The following SCFD2 variants were observed in gnomAD, a reference collection of about 807,000 sequenced individuals.
SCFD2 encodes sec1 family domain-containing protein 2.
SCFD2 carries 54 observed loss-of-function variants against 58.9 expected under a neutral mutation model. That is an observed-to-expected ratio of 0.92 (90% CI 0.74 to 1.15). The LOEUF (loss-of-function observed/expected upper bound fraction) is 1.15, where lower values mean the gene tolerates loss of function less well. Ranked by LOEUF, SCFD2 falls within the 50% of genes most tolerant of loss-of-function variation. The pLI, the probability that SCFD2 is intolerant of heterozygous loss-of-function variation, is 0.00. For synonymous variants in SCFD2, 321 were observed against 335.9 expected (o/e 0.96, Z 0.49); for missense variants, 805 against 836.6 (o/e 0.96, Z 0.47).
chr4:52,897,912 A>G lies in SCFD2; in HGVS notation c.1842+9545T>C, dbSNP rs1719067935. On this transcript the variant is annotated intron_variant, in intron 7 of 8. Coordinates refer to ENST00000401642, the MANE Select transcript of SCFD2 (RefSeq NM_152540.4). ...AGTGTATGTGTCGAGGAATTTATCT[A>G]TTTCTTCTAGATTTTGTAGTTTATT... 2.0e-5 allele frequency among the ~76,000 whole-genome samples: 3 copies of G among 151,968 alleles called. No homozygotes were observed. In the South Asian group the frequency reaches 6.2e-4, roughly 31 times the overall value.
chr4:53,054,854 A>C (rs1723279922), intron 5 of SCFD2, among the ~76,000 whole-genome samples: 1 of 152,004 alleles, frequency 6.6e-6, no homozygotes, highest in African/African-American at 2.4e-5. Flanking sequence ...AGATCTCCCT[A>C]TGTTGCCTGG....
intron 2 of SCFD2, among the ~76,000 whole-genome samples, chr4:53,340,132 G>A (rs1446832099): frequency 6.6e-6 from 1 of 152,146 alleles, no homozygotes; most frequent in Non-Finnish European, 1.5e-5. Context: ...GACAGTGGGT[G>A]CAGCCCACCG....
intron 5 of SCFD2, among the ~76,000 whole-genome samples, chr4:52,977,332 A>C (rs1264774500): frequency 6.6e-6 from 1 of 152,180 alleles, no homozygotes; most frequent in East Asian, 1.9e-4. Flanking sequence ...AATCTGAACA[A>C]TTGCTAAGAG....
intron 5 of SCFD2, among the ~76,000 whole-genome samples, chr4:52,985,898 A>G (rs1438938744): frequency 6.6e-6 from 1 of 152,006 alleles, no homozygotes; most frequent in African/African-American, 2.4e-5. Flanking sequence ...ACCAAAGAGA[A>G]TGGGTAGATT....
chr4:53,352,784 A>T lies in SCFD2; in HGVS notation c.839-18T>A. On this transcript the variant is annotated intron_variant, in intron 1 of 8. Transcript: ENST00000401642. ...AACTGCTCCTGTTTAAGCAGACAAG[A>T]TGATGTAAATTCATAAAATGGGAGG... The T allele has an allele frequency of 6.3e-7, 1 of 1,595,114 alleles. No homozygotes were observed. The highest frequency in any genetic ancestry group is 1.3e-5 in the African/African-American group (1 of 74,720).
At chr4:52,893,108 C>CT (rs1718916421) in intron 7 of SCFD2, among the ~76,000 whole-genome samples, 1 of 152,302 alleles carries the variant, frequency 6.6e-6, no homozygotes, top group African/African-American at 2.4e-5. Flanking sequence ...AACGTGAACA[C>CT]TGAGATATTT....
intron 5 of SCFD2, among the ~76,000 whole-genome samples, chr4:52,997,187 A>G (rs922117437): frequency 3.3e-5 from 5 of 151,968 alleles, no homozygotes; most frequent in African/African-American, 1.2e-4. Flanking sequence ...CTCTGCGCCC[A>G]CTTCAGAACT....
At chr4:53,191,697 G>T (rs1039036548) in intron 4 of SCFD2, among the ~76,000 whole-genome samples, 3 of 152,128 alleles carry the variant, frequency 2.0e-5, no homozygotes, top group Admixed American at 1.3e-4. Flanking sequence ...GAGCCACCGC[G>T]CCTGGCTGGT....
chr4:53,027,396 G>C (rs1034692402), intron 5 of SCFD2, among the ~76,000 whole-genome samples: 4 of 152,128 alleles, frequency 2.6e-5, no homozygotes, highest in Non-Finnish European at 1.5e-5. Context: ...AGGGTGATTA[G>C]AGAAATCTCT....
At chr4:53,275,165 A>C (rs1731290614) in intron 3 of SCFD2, among the ~76,000 whole-genome samples, 1 of 152,214 alleles carries the variant, frequency 6.6e-6, no homozygotes, top group Non-Finnish European at 1.5e-5. Flanking sequence ...TAAGAAAGTA[A>C]TGTCTTACCC....
At chr4:53,098,110 T>C (rs570156254) in intron 5 of SCFD2, among the ~76,000 whole-genome samples, 1 of 152,322 alleles carries the variant, frequency 6.6e-6, no homozygotes, top group African/African-American at 2.4e-5. Context: ...CTGCTGGATT[T>C]GGTTTACCAG....
intron 5 of SCFD2, among the ~76,000 whole-genome samples, chr4:53,090,736 C>T (rs1392639270): frequency 6.6e-6 from 1 of 152,126 alleles, no homozygotes. Context: ...AGACTAGATC[C>T]CTGCCCTCAT....
At chr4:53,168,973 A>G (rs1053188210) in intron 4 of SCFD2, among the ~76,000 whole-genome samples, 3 of 152,230 alleles carry the variant, frequency 2.0e-5, no homozygotes, top group Admixed American at 6.5e-5. Flanking sequence ...TAGATTCCAC[A>G]TATAAGTGAG....
At chr4:53,339,201 T>C (rs1055530060) in intron 2 of SCFD2, among the ~76,000 whole-genome samples, 2 of 152,030 alleles carry the variant, frequency 1.3e-5, no homozygotes, top group Non-Finnish European at 2.9e-5. Flanking sequence ...AGCAGAAATA[T>C]TAAGATGACT....
intron 4 of SCFD2, among the ~76,000 whole-genome samples, chr4:53,229,268 T>A (rs939144542): frequency 3.9e-5 from 6 of 152,152 alleles, no homozygotes; most frequent in Admixed American, 3.9e-4. Context: ...TGGAAAAAAC[T>A]ACTTTAAAGT....
intron 5 of SCFD2, among the ~76,000 whole-genome samples, chr4:53,102,790 T>C (rs1488692384): frequency 6.6e-6 from 1 of 152,142 alleles, no homozygotes; most frequent in Non-Finnish European, 1.5e-5. Flanking sequence ...GTAAATCTTA[T>C]GTAGGGGAAT....
At chr4:52,901,994 C>G (rs535169433) in intron 7 of SCFD2, among the ~76,000 whole-genome samples, 1 of 152,234 alleles carries the variant, frequency 6.6e-6, no homozygotes, top group Non-Finnish European at 1.5e-5. Flanking sequence ...TTCCAAGTAC[C>G]TGGAATGGAG....
At chr4:53,331,486 C>T (rs1733467237) in intron 2 of SCFD2, among the ~76,000 whole-genome samples, 1 of 152,160 alleles carries the variant, frequency 6.6e-6, no homozygotes, top group Admixed American at 6.5e-5. Context: ...TAACCTGCTC[C>T]TGAATGACTA....
At chr4:53,277,020 T>TCG (rs1301502596) in intron 3 of SCFD2, among the ~76,000 whole-genome samples, 1 of 152,266 alleles carries the variant, frequency 6.6e-6, no homozygotes, top group Non-Finnish European at 1.5e-5. Flanking sequence ...TTAGGTTGTT[T>TCG]GTTTTCTTAT....
Sources: allele counts gnomAD v4.1 joint callset (sites outside exome capture counted in the v4.1 genomes callset), GRCh38; gene constraint gnomAD v4.1.1; transcripts MANE v1.5; gene names NCBI Gene and HGNC (gene_info 2026-07-23, HGNC 2026-07-21).